Variants in EYA1 observed in about 807,000 individuals in gnomAD.
EYA1 encodes EYA transcriptional coactivator and phosphatase 1, also known as protein phosphatase EYA1.
EYA1 carries 16 observed loss-of-function variants against 82.0 expected under a neutral mutation model. The observed-to-expected ratio is 0.20, with a 90% CI of 0.13 to 0.30. EYA1 has a LOEUF of 0.30. Ranked by LOEUF, EYA1 falls within the 10% of genes least tolerant of loss-of-function variation. The pLI, the probability that EYA1 is intolerant of heterozygous loss-of-function variation, is 1.00. For synonymous variants in EYA1, 261 were observed against 264.4 expected (o/e 0.99, Z 0.12); for missense variants, 633 against 730.7 (o/e 0.87, Z 1.54).
chr8:71,202,316 A>G (rs141484132), intron 17 of EYA1, among the ~76,000 whole-genome samples: 3 of 152,264 alleles, frequency 2.0e-5, no homozygotes, highest in Non-Finnish European at 4.4e-5. Flanking sequence ...TTCATAGTAA[A>G]CAAAGGACTG....
intron 17 of EYA1, among the ~76,000 whole-genome samples, chr8:71,202,780 T>C (rs1182050003): frequency 3.9e-5 from 6 of 152,212 alleles, no homozygotes; most frequent in Admixed American, 3.3e-4. Flanking sequence ...CGGCTGTAGT[T>C]AGCAGTTTCA....
At chr8:71,222,180 T>C (rs1038515004) in intron 12 of EYA1, among the ~76,000 whole-genome samples, 2 of 152,006 alleles carry the variant, frequency 1.3e-5, no homozygotes, top group Non-Finnish European at 2.9e-5. Context: ...TCTGAGGAGG[T>C]AAGAATTGAG....
At chr8:71,454,777 G>A (rs1269857758) in intron 2 of EYA1, among the ~76,000 whole-genome samples, 1 of 152,184 alleles carries the variant, frequency 6.6e-6, no homozygotes, top group Non-Finnish European at 1.5e-5. Context: ...GCAGTGTGTA[G>A]AGGGAAATTT....
chr8:71,390,271 CTTTT>C (rs577622634), intron 2 of EYA1, among the ~76,000 whole-genome samples: 1 of 136,908 alleles, frequency 7.3e-6, no homozygotes, highest in Admixed American at 7.4e-5. Context: ...TTGGATAATT[CTTTT>C]TTTTTTTTTT....
intron 2 of EYA1, among the ~76,000 whole-genome samples, chr8:71,482,679 T>C (rs1586805356): frequency 6.6e-6 from 1 of 152,276 alleles, no homozygotes; most frequent in South Asian, 2.1e-4. Context: ...ATTCATATAA[T>C]GGAATACTAC....
intron 2 of EYA1, among the ~76,000 whole-genome samples, chr8:71,414,046 G>A (rs1455372146): frequency 6.6e-6 from 1 of 152,158 alleles, no homozygotes; most frequent in African/African-American, 2.4e-5. Context: ...CAGACAAAGA[G>A]GTTAATGGCA....
chr8:71,368,758 A>T (rs987589870), intron 2 of EYA1, among the ~76,000 whole-genome samples: 15 of 152,162 alleles, frequency 9.9e-5, no homozygotes, highest in Non-Finnish European at 1.8e-4. Flanking sequence ...TGTATTCATG[A>T]TTAATTATTG....
chr8:71,199,242 T>C lies in EYA1; in HGVS notation c.*98A>G. On this transcript the variant is annotated 3_prime_UTR_variant, in exon 18 of 18. Coordinates refer to ENST00000340726, the MANE Select transcript of EYA1 (RefSeq NM_000503.6). Reference sequence around the variant, plus strand: ...CAACTGCGCATCACCAGGCGGAAATTGCTAAGTTCTGGAGGCCGGCGCTGA... The same window carrying C: ...CAACTGCGCATCACCAGGCGGAAATCGCTAAGTTCTGGAGGCCGGCGCTGA... 1 of 860,414 alleles carries C rather than the reference T, an allele frequency of 1.2e-6. No individual in the cohort carries two copies. The highest frequency in any genetic ancestry group is 1.9e-6 in the Non-Finnish European group (1 of 528,112). The allele number at this position is 860,414 out of a possible 1,614,324, so 53.3% of individuals were successfully genotyped here.
At chr8:71,303,574 T>C (rs1300896849) in intron 7 of EYA1, among the ~76,000 whole-genome samples, 2 of 140,956 alleles carry the variant, frequency 1.4e-5, no homozygotes, top group African/African-American at 5.0e-5. Flanking sequence ...TATTAATTTT[T>C]CACGACCAGA....
At chr8:71,514,437 T>C (rs1563692205) in intron 2 of EYA1, among the ~76,000 whole-genome samples, 1 of 152,180 alleles carries the variant, frequency 6.6e-6, no homozygotes, top group African/African-American at 2.4e-5. Context: ...TGGAATGATA[T>C]ACAACTGATA....
chr8:71,547,497 CA>C (rs1563726022), intron 1 of EYA1: 1 of 152,200 alleles, frequency 6.6e-6, no homozygotes, highest in Non-Finnish European at 1.5e-5. Flanking sequence ...AGCTCCCTTC[CA>C]GGTGACTTTC....
At chr8:71,396,042 T>C (rs1391725372) in intron 2 of EYA1, among the ~76,000 whole-genome samples, 1 of 152,142 alleles carries the variant, frequency 6.6e-6, no homozygotes, top group Non-Finnish European at 1.5e-5. Flanking sequence ...GTCGAGGAAT[T>C]TATCCATTTC....
chr8:71,271,355 T>C (rs866169262), intron 10 of EYA1, among the ~76,000 whole-genome samples: 5 of 152,202 alleles, frequency 3.3e-5, no homozygotes, highest in Admixed American at 6.5e-5. Flanking sequence ...AGTCACCCTG[T>C]TGTGCTATCA....
upstream of EYA1, chr8:71,362,155 C>CTTTTTT (rs35320129): frequency 1.1e-3 from 886 of 822,700 alleles, 2 homozygotes; most frequent in African/African-American, 5.6e-3. Context: ...TCGGGGCTTT[C>CTTTTTT]TTTTTTTTTT....
At chr8:71,255,828 A>G (rs944244649) in intron 11 of EYA1, among the ~76,000 whole-genome samples, 21 of 152,122 alleles carry the variant, frequency 1.4e-4, no homozygotes, top group Non-Finnish European at 2.9e-4. Flanking sequence ...ATATTTAATA[A>G]GGGGTCAATA....
intron 7 of EYA1, among the ~76,000 whole-genome samples, chr8:71,301,309 A>G (rs973984314): frequency 6.6e-5 from 10 of 151,926 alleles, no homozygotes; most frequent in African/African-American, 2.4e-4. Flanking sequence ...ATCTGCAAAA[A>G]CTCTACTTTG....
chr8:71,261,439 C>T (rs777635621), intron 11 of EYA1, among the ~76,000 whole-genome samples: 121 of 152,148 alleles, frequency 8.0e-4, no homozygotes, highest in Non-Finnish European at 1.3e-3. Context: ...AAAAAATAAA[C>T]CATGGTTAAA....
At chr8:71,438,666 G>C (rs749387294) in intron 2 of EYA1, among the ~76,000 whole-genome samples, 2 of 152,118 alleles carry the variant, frequency 1.3e-5, no homozygotes, top group Non-Finnish European at 2.9e-5. Context: ...TGAGCAGATG[G>C]AGAGAAAGGA....
At chr8:71,402,542 C>T (rs7000163) in intron 2 of EYA1, among the ~76,000 whole-genome samples, 16,349 of 152,000 alleles carry the variant, frequency 0.11, 2,531 homozygotes, top group African/African-American at 0.35. Flanking sequence ...TAAAATTTAA[C>T]GTATACAATA....
Sources: gnomAD v4.1 joint callset for allele counts (sites outside exome capture counted in the v4.1 genomes callset) on GRCh38, gnomAD v4.1.1 for gene constraint, MANE v1.5 for transcripts, NCBI Gene and HGNC (gene_info 2026-07-23, HGNC 2026-07-21) for gene names.